RBFOX1: variants seen among roughly 807,000 people sequenced by gnomAD.
The protein encoded by RBFOX1 is RNA binding fox-1 homolog 1.
Under a neutral mutation model 57.7 loss-of-function variants are expected in RBFOX1, and 8 were observed. The ratio of observed to expected loss-of-function variants is 0.14; its 90% CI spans 0.08 to 0.25. The LOEUF (loss-of-function observed/expected upper bound fraction) is 0.25, where lower values mean the gene tolerates loss of function less well. Among genes scored for constraint, RBFOX1 ranks in the 10% least tolerant of loss-of-function variants. The pLI is 1.00. For missense variants in RBFOX1, 611 were observed against 548.5 expected, an observed-to-expected ratio of 1.11 and a Z score of -1.14; for synonymous variants, 326 against 222.4, an observed-to-expected ratio of 1.47 and a Z score of -4.15.
intron 3 of RBFOX1, among the ~76,000 whole-genome samples, chr16:6,720,289 C>G (rs1201087427): frequency 1.3e-5 from 2 of 151,996 alleles, no homozygotes; most frequent in East Asian, 1.9e-4. Context: ...CTCTTTTTCT[C>G]CTGTTTCTGC....
intron 14 of RBFOX1, among the ~76,000 whole-genome samples, chr16:7,684,908 C>G (rs2075729680): frequency 2.0e-5 from 3 of 151,990 alleles, no homozygotes. Flanking sequence ...TCTTCCATTT[C>G]TGTCTCCCAA....
At chr16:6,559,070 C>A (rs2097143669) in intron 2 of RBFOX1, among the ~76,000 whole-genome samples, 1 of 151,994 alleles carries the variant, frequency 6.6e-6, no homozygotes, top group Non-Finnish European at 1.5e-5. Flanking sequence ...TGTATTTGGT[C>A]TCATAGTTCC....
At chr16:7,022,927 G>A (rs959758725) in intron 3 of RBFOX1, among the ~76,000 whole-genome samples, 8 of 152,148 alleles carry the variant, frequency 5.3e-5, no homozygotes, top group Non-Finnish European at 8.8e-5. Context: ...TCACTCTTGA[G>A]TCTTCATTCT....
intron 2 of RBFOX1, among the ~76,000 whole-genome samples, chr16:6,582,103 G>C (rs1339700324): frequency 6.6e-6 from 1 of 152,102 alleles, no homozygotes; most frequent in Admixed American, 6.6e-5. Flanking sequence ...GTTCAAAATG[G>C]CAATAGCATT....
intron 3 of RBFOX1, among the ~76,000 whole-genome samples, chr16:6,773,110 G>A (rs748967568): frequency 6.9e-6 from 1 of 145,342 alleles, no homozygotes; most frequent in Non-Finnish European, 1.5e-5. Context: ...GCATTTGTGC[G>A]TGTATGTGTA....
chr16:7,693,398 C>T (rs1406924595), intron 14 of RBFOX1: 5 of 1,488,040 alleles, frequency 3.4e-6, no homozygotes, highest in East Asian at 2.3e-5. Flanking sequence ...TTGATGCATC[C>T]ATCCAAGTCT....
At chr16:7,069,325 G>C (rs1475915276) in intron 4 of RBFOX1, among the ~76,000 whole-genome samples, 1 of 152,128 alleles carries the variant, frequency 6.6e-6, no homozygotes, top group Non-Finnish European at 1.5e-5. Flanking sequence ...GCGTGCATTA[G>C]CTGTTTTCCC....
chr16:5,844,175 G>C (rs2056693686), intron 3 of RBFOX1, among the ~76,000 whole-genome samples: 1 of 152,128 alleles, frequency 6.6e-6, no homozygotes, highest in Admixed American at 6.5e-5. Flanking sequence ...CCTACCTTGA[G>C]GTCTAACGTG....
intron 4 of RBFOX1, among the ~76,000 whole-genome samples, chr16:5,869,223 G>A (rs2057410245): frequency 6.6e-6 from 1 of 152,076 alleles, no homozygotes; most frequent in Non-Finnish European, 1.5e-5. Flanking sequence ...GCTTTCTGGA[G>A]CATACCTGAA....
At chr16:7,100,214 A>G (rs907083815) in intron 4 of RBFOX1, among the ~76,000 whole-genome samples, 1 of 152,156 alleles carries the variant, frequency 6.6e-6, no homozygotes, top group African/African-American at 2.4e-5. Flanking sequence ...TAAAGGAATG[A>G]CTATTCAGTG....
At chr16:6,880,009 C>T (rs980170408) in intron 3 of RBFOX1, among the ~76,000 whole-genome samples, 1 of 152,126 alleles carries the variant, frequency 6.6e-6, no homozygotes, top group Non-Finnish European at 1.5e-5. Flanking sequence ...CTTAATCTTT[C>T]ATACTTGAAG....
intron 4 of RBFOX1, among the ~76,000 whole-genome samples, chr16:7,169,844 G>C (rs1462412432): frequency 6.6e-6 from 1 of 151,968 alleles, no homozygotes; most frequent in Non-Finnish European, 1.5e-5. Flanking sequence ...GCCAAAGCAG[G>C]CTGATCGCTT....
chr16:5,483,734 C>G (rs142069230), intron 2 of RBFOX1, among the ~76,000 whole-genome samples: 32 of 152,312 alleles, frequency 2.1e-4, no homozygotes, highest in African/African-American at 7.5e-4. Flanking sequence ...TATTAGTTAT[C>G]TATTGCTGTG....
In RBFOX1 at chr16:6,962,394, T is replaced by C. The variant is rs147134503; in HGVS notation, c.-15-89663T>C. ...GGGTTAGGACTTCGACTTATCTTTT[T>C]AGGAGATAAATTCAACCTGCTACAA... On this transcript the variant is annotated intron_variant, in intron 3 of 15. Transcript: ENST00000550418. 6.1e-3 allele frequency among the ~76,000 whole-genome samples: 930 copies of C among 152,312 alleles called. 12 individuals are homozygous for C. Among genetic ancestry groups the C allele is most frequent in the African/African-American group, 0.021 (881 of 41,564 alleles).
intron 4 of RBFOX1, among the ~76,000 whole-genome samples, chr16:7,491,322 A>G (rs2066900599): frequency 6.6e-6 from 1 of 151,046 alleles, no homozygotes; most frequent in South Asian, 2.1e-4. Flanking sequence ...GCAACTTGTC[A>G]TCTTGTTTTT....
At chr16:5,770,687 T>C (rs1199301851) in intron 3 of RBFOX1, among the ~76,000 whole-genome samples, 1 of 152,208 alleles carries the variant, frequency 6.6e-6, no homozygotes. Flanking sequence ...CCAAGAACCC[T>C]CCTGGGCTAA....
At chr16:6,844,347 C>G (rs749143199) in intron 3 of RBFOX1, among the ~76,000 whole-genome samples, 8 of 152,134 alleles carry the variant, frequency 5.3e-5, no homozygotes, top group African/African-American at 1.7e-4. Flanking sequence ...CTGATGCTCT[C>G]TTTCCTTCCC....
rs549886210 is a variant in RBFOX1, at chr16:7,419,715, G to A, written c.28-98432G>A. ...CCCTCCAGTAGTTCCTGTTTTGTCT[G>A]TTTACCTCTCCTGCATTTTGCAAGA... On this transcript the variant is annotated intron_variant, in intron 4 of 15. Coordinates refer to ENST00000550418, the MANE Select transcript of RBFOX1 (RefSeq NM_018723.4). Among the ~76,000 whole-genome samples, 77 of 152,130 alleles carry A rather than the reference G, an allele frequency of 5.1e-4. 1 individual carries two copies. The highest frequency in any genetic ancestry group is 1.6e-3 in the African/African-American group (67 of 41,528).
intron 1 of RBFOX1, among the ~76,000 whole-genome samples, chr16:6,112,693 A>G (rs1003662894): frequency 4.6e-5 from 7 of 152,186 alleles, no homozygotes; most frequent in African/African-American, 1.7e-4. Context: ...CTCCGTCTCA[A>G]AAAAACACCT....
Sources: gnomAD v4.1 joint callset for allele counts (sites outside exome capture counted in the v4.1 genomes callset) on GRCh38, gnomAD v4.1.1 for gene constraint, MANE v1.5 for transcripts, NCBI Gene and HGNC (gene_info 2026-07-23, HGNC 2026-07-21) for gene names.